The following ZNF512 variants were observed in gnomAD, a reference collection of about 807,000 sequenced individuals.
The protein encoded by ZNF512 is zinc finger protein 512.
In ZNF512, 25 loss-of-function variants were observed where a neutral mutation model predicts 77.5. That is an observed-to-expected ratio of 0.32 (90% CI 0.23 to 0.45). ZNF512 has a LOEUF of 0.45. Ranked by LOEUF, ZNF512 falls within the 20% of genes least tolerant of loss-of-function variation. The probability of loss-of-function intolerance (pLI) is 1.00; values close to 1 mark genes in which losing one functional copy is unlikely to be tolerated. For missense variants in ZNF512, 483 were observed against 692.6 expected (o/e 0.70, Z 3.40); for synonymous variants, 246 against 239.9 (o/e 1.03, Z -0.24).
chr2:27,614,789 C>A (rs1444288266), intron 10 of ZNF512, among the ~76,000 whole-genome samples: 1 of 150,742 alleles, frequency 6.6e-6, no homozygotes, highest in Non-Finnish European at 1.5e-5. Context: ...TACACGAATG[C>A]GAATTTGTAT....
At chr2:27,608,345 T>C (rs1415489476) in intron 10 of ZNF512, among the ~76,000 whole-genome samples, 1 of 152,240 alleles carries the variant, frequency 6.6e-6, no homozygotes, top group Non-Finnish European at 1.5e-5. Flanking sequence ...TGTAGTAGTT[T>C]ATATTTAGTT....
chr2:27,597,245 T>G (rs565922764), intron 2 of ZNF512, among the ~76,000 whole-genome samples: 69 of 152,356 alleles, frequency 4.5e-4, no homozygotes, highest in African/African-American at 1.4e-3. Flanking sequence ...TCCTTTTGTT[T>G]ACTCTTTCTC....
chr2:27,587,843 G>T (rs1671406070), intron 2 of ZNF512, among the ~76,000 whole-genome samples: 1 of 151,534 alleles, frequency 6.6e-6, no homozygotes, highest in African/African-American at 2.4e-5. Context: ...GCCACGCCTG[G>T]CTAATTTTAT....
Position 27,621,178 on chromosome 2 carries a change from C to A in ZNF512, c.1421C>A (p.Thr474Lys). 6.2e-7 allele frequency: 1 copy of A among 1,613,910 alleles called. No individual in the cohort carries two copies. The change falls in exon 14 of 14, where the codon ACA (threonine) becomes AAA (lysine). Residue 474 changes from threonine (T) to lysine (K), a missense_variant. Thr to Lys is a moderately conservative substitution (Grantham distance 78, BLOSUM62 -1). Transcript: ENST00000355467. ...GACTGGTTCGTTGTAAACCCAACAA[C>A]AACCAAAAGCTTTGAAAAGCTGATG... ...AEDWFVVNPT[T>K]TKSFEKLMKI... is the part of the protein sequence containing the mutation.
chr2:27,589,018 A>G (rs1294723876), intron 2 of ZNF512, among the ~76,000 whole-genome samples: 1 of 152,106 alleles, frequency 6.6e-6, no homozygotes, highest in Non-Finnish European at 1.5e-5. Context: ...TTTCTAGTTG[A>G]TTGTTGCTAG....
At chr2:27,610,158 A>G (rs1309100949) in intron 10 of ZNF512, among the ~76,000 whole-genome samples, 5 of 151,674 alleles carry the variant, frequency 3.3e-5, no homozygotes, top group Non-Finnish European at 7.4e-5. Context: ...AGGTCAGGAG[A>G]TTGAGACCAT....
intron 9 of ZNF512, among the ~76,000 whole-genome samples, chr2:27,605,012 A>G (rs1187921754): frequency 6.6e-6 from 1 of 152,110 alleles, no homozygotes; most frequent in Non-Finnish European, 1.5e-5. Context: ...CATGTGTTGC[A>G]TGTATCATTA....
chr2:27,614,049 TAA>T (rs796218638), intron 10 of ZNF512, among the ~76,000 whole-genome samples: 9 of 152,192 alleles, frequency 5.9e-5, no homozygotes, highest in Non-Finnish European at 1.0e-4. Flanking sequence ...CTGTACTCTA[TAA>T]AAGTATTGTG....
intron 2 of ZNF512, among the ~76,000 whole-genome samples, chr2:27,587,379 T>A (rs1317694598): frequency 1.3e-5 from 2 of 150,906 alleles, no homozygotes; most frequent in African/African-American, 2.4e-5. Context: ...CAGGTTTAAC[T>A]GATTCTTCTG....
At chr2:27,591,572 G>C (rs189687742) in intron 2 of ZNF512, among the ~76,000 whole-genome samples, 1 of 152,020 alleles carries the variant, frequency 6.6e-6, no homozygotes, top group African/African-American at 2.4e-5. Flanking sequence ...ATGCTACCAC[G>C]CCCAGCTTTT....
At chr2:27,615,092 G>C (rs1167699071) in intron 10 of ZNF512, 76 bp from the exon 11 acceptor site, 2 of 825,878 alleles carry the variant, frequency 2.4e-6, no homozygotes. Context: ...AACCTAAAGA[G>C]TTGGGTGTGA....
chr2:27,583,386 C>T (rs542818179), intron 1 of ZNF512: 13 of 1,394,108 alleles, frequency 9.3e-6, no homozygotes, highest in African/African-American at 5.8e-5. Flanking sequence ...TCCCCAATGT[C>T]TCTCATATCC....
At chr2:27,607,027 T>G (rs934520949) in intron 9 of ZNF512, among the ~76,000 whole-genome samples, 2 of 152,098 alleles carry the variant, frequency 1.3e-5, no homozygotes, top group Admixed American at 6.5e-5. Flanking sequence ...ATGTCTCTCA[T>G]GCTTTGAATC....
intron 2 of ZNF512, among the ~76,000 whole-genome samples, chr2:27,597,303 A>T (rs549449613): frequency 6.6e-6 from 1 of 152,346 alleles, no homozygotes; most frequent in African/African-American, 2.4e-5. Flanking sequence ...TCTGAACCAT[A>T]AATCTAAAGT....
At chr2:27,599,012 T>C (rs534292634) in intron 3 of ZNF512, among the ~76,000 whole-genome samples, 2 of 152,276 alleles carry the variant, frequency 1.3e-5, no homozygotes, top group Non-Finnish European at 2.9e-5. Flanking sequence ...TGGCTAATTT[T>C]GTATTTTTAG....
chr2:27,609,848 A>C (rs1291662971), intron 10 of ZNF512, among the ~76,000 whole-genome samples: 4 of 148,902 alleles, frequency 2.7e-5, no homozygotes, highest in African/African-American at 1.0e-4. Flanking sequence ...CAGCCTGGGC[A>C]ACAAGAGCAG....
chr2:27,587,954 A>G (rs1671411477), intron 2 of ZNF512, among the ~76,000 whole-genome samples: 1 of 150,512 alleles, frequency 6.6e-6, no homozygotes, highest in Admixed American at 6.6e-5. Context: ...TGCTGGGATT[A>G]ACGGTGTGAG....
intron 2 of ZNF512, among the ~76,000 whole-genome samples, chr2:27,589,621 C>G (rs991565802): frequency 6.6e-6 from 1 of 151,928 alleles, no homozygotes. Context: ...TTTGCTTTTC[C>G]TTTTAAGGTA....
intron 3 of ZNF512, among the ~76,000 whole-genome samples, chr2:27,598,628 CAAA>C (rs761293599): frequency 1.6e-4 from 12 of 73,566 alleles, no homozygotes; most frequent in Admixed American, 1.1e-3. Flanking sequence ...GACTCCGTCT[CAAA>C]AAAAAAAAAA....
Sources: gnomAD v4.1 joint callset for allele counts (sites outside exome capture counted in the v4.1 genomes callset) on GRCh38, gnomAD v4.1.1 for gene constraint, MANE v1.5 for transcripts, NCBI Gene and HGNC (gene_info 2026-07-23, HGNC 2026-07-21) for gene names.